SSPN: variants seen among roughly 807,000 people sequenced by gnomAD.
The protein encoded by SSPN is sarcospan, also known as K-ras oncogene-associated protein.
Under a neutral mutation model 19.1 loss-of-function variants are expected in SSPN, and 15 were observed. The ratio of observed to expected loss-of-function variants is 0.78; its 90% CI spans 0.52 to 1.21. The LOEUF (loss-of-function observed/expected upper bound fraction) is 1.21, where lower values mean the gene tolerates loss of function less well. Ranked by LOEUF, SSPN falls within the 50% of genes most tolerant of loss-of-function variation. The pLI, the probability that SSPN is intolerant of heterozygous loss-of-function variation, is 0.00. For missense variants in SSPN, 291 were observed against 314.0 expected (o/e 0.93, Z 0.55); for synonymous variants, 147 against 140.3 (o/e 1.05, Z -0.34).
upstream of SSPN, among the ~76,000 whole-genome samples, chr12:26,190,756 T>C (rs1465749435): frequency 1.3e-5 from 2 of 152,168 alleles, no homozygotes; most frequent in Admixed American, 1.3e-4. Context: ...TATTTCTCTT[T>C]TTATTACACT....
At chr12:26,191,396 G>A (rs977745054), upstream of SSPN, among the ~76,000 whole-genome samples, 3 of 152,170 alleles carry the variant, frequency 2.0e-5, no homozygotes, top group Non-Finnish European at 4.4e-5. Context: ...TGAGCTGGGA[G>A]GTTTGTTTGA....
Position 26,131,969 on chromosome 12 carries a change from C to G in SSPN, c.-31+9817C>G, listed in dbSNP as rs531891319. On this transcript the variant is annotated intron_variant, in intron 1 of 2. Coordinates refer to the SSPN transcript ENST00000538142. ...ACAGTTAATTACCTTCTCCCCTCAG[C>G]CCCTGAGAGGATCTCCTATCCAAGC... 2.5e-4 allele frequency among the ~76,000 whole-genome samples: 38 copies of G among 152,286 alleles called. No homozygotes were observed. In the South Asian group the frequency reaches 6.6e-3, roughly 27 times the overall value.
chr12:26,149,198 G>T (rs2137413734), intron 1 of SSPN, among the ~76,000 whole-genome samples: 1 of 152,208 alleles, frequency 6.6e-6, no homozygotes, highest in Middle Eastern at 3.4e-3. Flanking sequence ...TGCTTGTGTT[G>T]CTGCGTTTGT....
At chr12:26,143,363 CAT>C (rs1345630977) in intron 1 of SSPN, among the ~76,000 whole-genome samples, 2 of 152,322 alleles carry the variant, frequency 1.3e-5, no homozygotes, top group African/African-American at 2.4e-5. Context: ...GCTTTATACA[CAT>C]GATTTCATTT....
intron 1 of SSPN, among the ~76,000 whole-genome samples, chr12:26,207,680 A>G (rs536016225): frequency 2.6e-5 from 4 of 151,822 alleles, no homozygotes; most frequent in African/African-American, 9.6e-5. Context: ...CATGTTTGCT[A>G]TACTGAATTT....
At chr12:26,128,293 A>C (rs2137394725) in intron 1 of SSPN, among the ~76,000 whole-genome samples, 1 of 152,342 alleles carries the variant, frequency 6.6e-6, no homozygotes, top group South Asian at 2.1e-4. Context: ...GAGAGGTGTT[A>C]GCATTGGAGC....
chr12:26,181,392 T>C (rs1036018950), intron 1 of SSPN: 1 of 152,198 alleles, frequency 6.6e-6, no homozygotes, highest in Non-Finnish European at 1.5e-5. Context: ...CAGTTAACTT[T>C]CTGATTGTTG....
At chr12:26,208,197 A>G (rs1045093531) in intron 1 of SSPN, among the ~76,000 whole-genome samples, 3 of 152,226 alleles carry the variant, frequency 2.0e-5, no homozygotes, top group Non-Finnish European at 4.4e-5. Flanking sequence ...GTCATAAGAT[A>G]TAGACATCGT....
intron 1 of SSPN, among the ~76,000 whole-genome samples, chr12:26,207,495 GTAC>G (rs1944941142): frequency 6.6e-6 from 1 of 152,064 alleles, no homozygotes; most frequent in Admixed American, 6.5e-5. Flanking sequence ...CCAGAGATAT[GTAC>G]TATCCTGAAT....
At chr12:26,123,219 G>A (rs1313786721) in intron 1 of SSPN, 1 of 1,523,888 alleles carries the variant, frequency 6.6e-7, no homozygotes, top group Non-Finnish European at 8.8e-7. Context: ...GAGGCAAGAA[G>A]AAACATACCC....
chr12:26,158,352 A>G (rs1463607990), intron 1 of SSPN, among the ~76,000 whole-genome samples: 1 of 148,456 alleles, frequency 6.7e-6, no homozygotes, highest in African/African-American at 2.5e-5. Context: ...GTGAATCCTT[A>G]CTTCCCACTA....
chr12:26,124,039 G>GCTTAAC, intron 1 of SSPN: 1 of 1,392,002 alleles, frequency 7.2e-7, no homozygotes. Context: ...CACGCCCTTG[G>GCTTAAC]AGAGCAGCAA....
At chr12:26,159,267 C>T (rs754298210) in intron 1 of SSPN, among the ~76,000 whole-genome samples, 1 of 152,220 alleles carries the variant, frequency 6.6e-6, no homozygotes, top group Non-Finnish European at 1.5e-5. Context: ...ACAGAGGGGC[C>T]CCAAGGCAAA....
intron 1 of SSPN, among the ~76,000 whole-genome samples, chr12:26,159,431 A>G (rs781387545): frequency 1.0e-3 from 159 of 152,244 alleles, no homozygotes; most frequent in Non-Finnish European, 2.5e-4. Flanking sequence ...GAACATCAGG[A>G]GAGCCCATAG....
intron 1 of SSPN, among the ~76,000 whole-genome samples, chr12:26,186,888 T>A (rs1944757519): frequency 6.6e-6 from 1 of 152,304 alleles, no homozygotes; most frequent in South Asian, 2.1e-4. Flanking sequence ...TCAGCTGTAA[T>A]TGTTTTCTGA....
intron 1 of SSPN, 25 bp from the exon 2 acceptor site, chr12:26,224,268 C>T: frequency 1.9e-6 from 3 of 1,568,922 alleles, no homozygotes; most frequent in Non-Finnish European, 2.6e-6. Flanking sequence ...TGATAACATC[C>T]TTTCTTCTGT....
At chr12:26,122,578 C>A in intron 1 of SSPN, 1 of 1,114,480 alleles carries the variant, frequency 9.0e-7, no homozygotes, top group Non-Finnish European at 1.1e-6. Context: ...AGCAGCGCGG[C>A]CGCGGCGGCA....
At position 26,230,708 on chromosome 12, in the gene SSPN, C is replaced by CA; in HGVS notation, c.367-2dup. On this transcript the variant is annotated splice_region_variant and splice_polypyrimidine_tract_variant and intron_variant, in intron 2 of 2. Transcript: ENST00000242729. ...AGAAAGGTTTTCTTCTGCTTTCTTG[C>CA]AGCTGTTATACTTTCTGCTGAGTGC... The CA allele has an allele frequency of 3.1e-6, 5 of 1,592,178 alleles. No individual in the cohort carries two copies. Among genetic ancestry groups the CA allele is most frequent in the Non-Finnish European group, 4.3e-6 (5 of 1,165,700 alleles).
chr12:26,166,549 T>A (rs193086805), intron 1 of SSPN, among the ~76,000 whole-genome samples: 2 of 152,388 alleles, frequency 1.3e-5, no homozygotes, highest in African/African-American at 4.8e-5. Flanking sequence ...CTGTTGCCTA[T>A]TTTTACATCT....
Sources: gnomAD v4.1 joint callset for allele counts (sites outside exome capture counted in the v4.1 genomes callset) on GRCh38, gnomAD v4.1.1 for gene constraint, MANE v1.5 for transcripts, NCBI Gene and HGNC (gene_info 2026-07-23, HGNC 2026-07-21) for gene names.